Variants in EFCAB8 observed in about 807,000 individuals in gnomAD.
EFCAB8 encodes EF-hand calcium binding domain 8.
Under a neutral mutation model 116.3 loss-of-function variants are expected in EFCAB8, and 100 were observed. The ratio of observed to expected loss-of-function variants is 0.86; its 90% CI spans 0.73 to 1.02. The LOEUF (loss-of-function observed/expected upper bound fraction) is 1.02, where lower values mean the gene tolerates loss of function less well. Ranked by LOEUF, EFCAB8 falls within the 50% of genes least tolerant of loss-of-function variation. EFCAB8 has a pLI of 0.00. For missense variants in EFCAB8, 1,320 were observed against 1,416.9 expected, an observed-to-expected ratio of 0.93 and a Z score of 1.10; for synonymous variants, 558 against 567.9, an observed-to-expected ratio of 0.98 and a Z score of 0.25.
At chr20:32,882,735 G>A (rs760932425) in intron 5 of EFCAB8, among the ~76,000 whole-genome samples, 3 of 150,822 alleles carry the variant, frequency 2.0e-5, no homozygotes, top group Non-Finnish European at 4.4e-5. Context: ...TTGCTCGGTC[G>A]CCCAGGCTGG....
At chr20:32,874,511 A>G (rs1568900966) in intron 3 of EFCAB8, among the ~76,000 whole-genome samples, 1 of 152,126 alleles carries the variant, frequency 6.6e-6, no homozygotes. Flanking sequence ...GACATGAGCC[A>G]CTGTGCCTGG....
chr20:32,947,772 C>T (rs1377356177), intron 23 of EFCAB8, among the ~76,000 whole-genome samples: 1 of 151,872 alleles, frequency 6.6e-6, no homozygotes, highest in Non-Finnish European at 1.5e-5. Context: ...TCTCCAGCCT[C>T]AACTTCCACA....
intron 18 of EFCAB8, among the ~76,000 whole-genome samples, chr20:32,917,906 C>A (rs1987262123): frequency 6.6e-6 from 1 of 152,216 alleles, no homozygotes; most frequent in Non-Finnish European, 1.5e-5. Flanking sequence ...ATTCCCATAT[C>A]TCAGCAGATC....
At chr20:32,952,871 A>G (rs761192360) in intron 23 of EFCAB8, among the ~76,000 whole-genome samples, 7 of 152,230 alleles carry the variant, frequency 4.6e-5, no homozygotes, top group Admixed American at 1.3e-4. Flanking sequence ...TTTTAAGTCT[A>G]CAGTTCAGTA....
chr20:32,894,485 C>T (rs573669665), intron 9 of EFCAB8, among the ~76,000 whole-genome samples: 2 of 152,332 alleles, frequency 1.3e-5, no homozygotes, highest in African/African-American at 2.4e-5. Flanking sequence ...GGTCTTTGAG[C>T]CACATGGTGA....
intron 20 of EFCAB8, 92 bp downstream of exon 20, chr20:32,920,307 G>T: frequency 6.8e-7 from 1 of 1,479,570 alleles, no homozygotes; most frequent in Non-Finnish European, 9.0e-7. Flanking sequence ...GCCTGGGCTC[G>T]GGGCCCGGCC....
At chr20:32,951,837 CTG>C (rs1988807424) in intron 23 of EFCAB8, among the ~76,000 whole-genome samples, 1 of 152,054 alleles carries the variant, frequency 6.6e-6, no homozygotes, top group African/African-American at 2.4e-5. Context: ...TTAAAAAAAA[CTG>C]TGTTGTTTTC....
At chr20:32,947,034 A>G (rs1988615738) in intron 23 of EFCAB8, among the ~76,000 whole-genome samples, 1 of 152,198 alleles carries the variant, frequency 6.6e-6, no homozygotes, top group Non-Finnish European at 1.5e-5. Flanking sequence ...CCATTCACCA[A>G]TTATAGGACA....
At chr20:32,899,748 A>G (rs756678680) in intron 11 of EFCAB8, among the ~76,000 whole-genome samples, 2 of 151,704 alleles carry the variant, frequency 1.3e-5, no homozygotes, top group African/African-American at 4.8e-5. Flanking sequence ...CTAATTTTGT[A>G]TTTTTAGTAG....
At chr20:32,893,361 T>C in intron 9 of EFCAB8, 63 bp downstream of exon 9, 1 of 1,540,524 alleles carries the variant, frequency 6.5e-7, no homozygotes, top group Admixed American at 2.0e-5. Context: ...GGTGCTGAGG[T>C]CATCCTGGTC....
At chr20:32,940,080 C>T (rs1417924947) in intron 22 of EFCAB8, among the ~76,000 whole-genome samples, 1 of 118,726 alleles carries the variant, frequency 8.4e-6, no homozygotes, top group African/African-American at 3.4e-5. Flanking sequence ...TTCCTTCCTT[C>T]CTTGCTTTTT....
At chr20:32,907,482 G>A (rs1285375604) in intron 13 of EFCAB8, among the ~76,000 whole-genome samples, 2 of 152,234 alleles carry the variant, frequency 1.3e-5, no homozygotes, top group Non-Finnish European at 2.9e-5. Flanking sequence ...ACCCGCCACT[G>A]TGCTCCTCTG....
At chr20:32,928,919 C>T (rs1252196557) in intron 20 of EFCAB8, among the ~76,000 whole-genome samples, 6 of 149,612 alleles carry the variant, frequency 4.0e-5, no homozygotes, top group African/African-American at 7.4e-5. Flanking sequence ...TTTGTCAAAT[C>T]GTTTTCTGCA....
intron 26 of EFCAB8, 39 bp downstream of exon 26, chr20:32,960,200 A>G (rs1989104195): frequency 6.5e-7 from 1 of 1,532,540 alleles, no homozygotes; most frequent in Non-Finnish European, 8.8e-7. Context: ...AGGCTGGGTC[A>G]GGGGCCAGGG....
chr20:32,920,934 C>T (rs1308543718), intron 20 of EFCAB8, among the ~76,000 whole-genome samples: 2 of 152,088 alleles, frequency 1.3e-5, no homozygotes, highest in Non-Finnish European at 2.9e-5. Context: ...ATACCGAACA[C>T]GAGTTGGGTA....
chr20:32,893,171 C>T lies in EFCAB8; in HGVS notation c.759-3C>T, dbSNP rs1986000517. ...AACCTCTTCCGTCTCCATCTTTCTGCAGGTCTGACTATCACAGAGGTGTGT... is the reference window on the plus strand; with the variant it reads ...AACCTCTTCCGTCTCCATCTTTCTGTAGGTCTGACTATCACAGAGGTGTGT... On this transcript the variant is annotated splice_region_variant and splice_polypyrimidine_tract_variant and intron_variant, in intron 8 of 26. Coordinates refer to ENST00000400522, the MANE Select transcript of EFCAB8 (RefSeq NM_001143967.2). 5 of 1,551,782 alleles carry T rather than the reference C, an allele frequency of 3.2e-6. No individual in the cohort carries two copies. Among genetic ancestry groups the T allele is most frequent in the Admixed American group, 2.0e-5 (1 of 50,992 alleles).
At chr20:32,898,244 TC>T (rs1986258469) in intron 10 of EFCAB8, 1 of 429,818 alleles carries the variant, frequency 2.3e-6, no homozygotes, top group African/African-American at 2.0e-5. Context: ...ATCCTCTAAC[TC>T]ACAAGATTTC....
At chr20:32,911,735 G>GGGAC (rs1986934790) in intron 16 of EFCAB8, 28 bp downstream of exon 16, 2 of 1,548,590 alleles carry the variant, frequency 1.3e-6, no homozygotes, top group Non-Finnish European at 1.7e-6. Flanking sequence ...ATTACAGCCA[G>GGGAC]GGACGGCCTC....
intron 4 of EFCAB8, among the ~76,000 whole-genome samples, chr20:32,878,265 C>T (rs1372396544): frequency 6.8e-6 from 1 of 147,810 alleles, no homozygotes; most frequent in Non-Finnish European, 1.5e-5. Context: ...GGCCCTGTCC[C>T]AAAAGGAAAA....
Sources: gnomAD v4.1 joint callset for allele counts (sites outside exome capture counted in the v4.1 genomes callset) on GRCh38, gnomAD v4.1.1 for gene constraint, MANE v1.5 for transcripts, NCBI Gene and HGNC (gene_info 2026-07-23, HGNC 2026-07-21) for gene names.